ST3GAL3: variants seen among roughly 807,000 people sequenced by gnomAD.
The protein encoded by ST3GAL3 is ST3 beta-galactoside alpha-2,3-sialyltransferase 3, also known as CMP-N-acetylneuraminate-beta-1,4-galactoside alpha-2,3-sialyltransferase.
A neutral mutation model predicts 50.1 loss-of-function variants in ST3GAL3; 21 were observed. The ratio of observed to expected loss-of-function variants is 0.42; its 90% confidence interval spans 0.30 to 0.60. The LOEUF is 0.60. ST3GAL3 is among the 20% of genes least tolerant of loss of function. The pLI is 0.19. For synonymous variants in ST3GAL3, 183 were observed against 190.0 expected (o/e 0.96, Z 0.30); for missense variants, 353 against 489.4 (o/e 0.72, Z 2.63).
intron 9 of ST3GAL3, among the ~76,000 whole-genome samples, chr1:43,905,929 T>C (rs1187021904): frequency 1.3e-5 from 1 of 78,350 alleles, no homozygotes; most frequent in South Asian, 5.9e-4. Flanking sequence ...CCACCACTCT[T>C]CCCCCTCCTC....
chr1:43,806,048 A>T (rs2059848886), intron 3 of ST3GAL3, among the ~76,000 whole-genome samples: 1 of 152,032 alleles, frequency 6.6e-6, no homozygotes, highest in Non-Finnish European at 1.5e-5. Context: ...ATACTTTTCT[A>T]AAAGAGGGCC....
chr1:43,738,962 TTTA>T (rs1679676992), intron 2 of ST3GAL3: 1 of 152,202 alleles, frequency 6.6e-6, no homozygotes, highest in Admixed American at 6.5e-5. Context: ...TAGCAGGGTC[TTTA>T]TACTCGGAAT....
intron 2 of ST3GAL3, among the ~76,000 whole-genome samples, chr1:43,782,215 G>A (rs1337108332): frequency 2.0e-5 from 3 of 152,022 alleles, no homozygotes; most frequent in African/African-American, 4.8e-5. Context: ...GTATTCTGTG[G>A]TAGTATTTTC....
At chr1:43,848,852 C>T (rs1485565266) in intron 5 of ST3GAL3, among the ~76,000 whole-genome samples, 4 of 152,126 alleles carry the variant, frequency 2.6e-5, no homozygotes, top group African/African-American at 4.8e-5. Flanking sequence ...CTTTCTCTCT[C>T]TGCTTCATTT....
intron 2 of ST3GAL3, among the ~76,000 whole-genome samples, chr1:43,759,063 G>GCACACACACA (rs775153049): frequency 2.5e-4 from 33 of 132,432 alleles, no homozygotes; most frequent in African/African-American, 1.0e-3. Flanking sequence ...ACAAAAGCGC[G>GCACACACACA]CGCACACACA....
intron 9 of ST3GAL3, among the ~76,000 whole-genome samples, chr1:43,908,811 T>C (rs1026376458): frequency 6.6e-6 from 1 of 152,114 alleles, no homozygotes; most frequent in Non-Finnish European, 1.5e-5. Flanking sequence ...TTTATATTTT[T>C]AGTAGAGATG....
intron 2 of ST3GAL3, among the ~76,000 whole-genome samples, chr1:43,763,250 T>C (rs1391905900): frequency 6.6e-6 from 1 of 152,200 alleles, no homozygotes; most frequent in Non-Finnish European, 1.5e-5. Context: ...TGAAAAGATT[T>C]CTGAAATATA....
At chr1:43,804,578 T>C (rs966477098) in intron 3 of ST3GAL3, among the ~76,000 whole-genome samples, 2 of 152,012 alleles carry the variant, frequency 1.3e-5, no homozygotes, top group Admixed American at 6.6e-5. Flanking sequence ...CCTTTATACA[T>C]GATGGGAGGG....
At chr1:43,814,819 G>T in intron 3 of ST3GAL3, 72 bp from the exon 4 acceptor site, 1 of 1,450,804 alleles carries the variant, frequency 6.9e-7, no homozygotes. Context: ...TGTGGTCTAG[G>T]TCTGGGGGAT....
At chr1:43,789,453 G>T (rs2057765104) in intron 2 of ST3GAL3, among the ~76,000 whole-genome samples, 1 of 152,112 alleles carries the variant, frequency 6.6e-6, no homozygotes. Context: ...TCATTGAATT[G>T]CACACTTATA....
intron 5 of ST3GAL3, among the ~76,000 whole-genome samples, chr1:43,864,795 A>G (rs1216062405): frequency 1.3e-5 from 2 of 152,092 alleles, no homozygotes; most frequent in Admixed American, 6.6e-5. Context: ...ATGAGTAAAA[A>G]TGGATTCCTA....
chr1:43,798,293 T>C (rs2058924020), intron 3 of ST3GAL3, among the ~76,000 whole-genome samples: 1 of 152,218 alleles, frequency 6.6e-6, no homozygotes, highest in South Asian at 2.1e-4. Context: ...TTCTGTACCT[T>C]GTAGCCAGAG....
intron 2 of ST3GAL3, among the ~76,000 whole-genome samples, chr1:43,788,302 A>G: frequency 6.6e-6 from 1 of 152,238 alleles, no homozygotes; most frequent in South Asian, 2.1e-4. Context: ...CAAAGAAGAT[A>G]AATTGCAATT....
In ST3GAL3 at chr1:43,859,962, G is replaced by C. The variant is rs544104345; in HGVS notation, c.302+21651G>C. Among the ~76,000 whole-genome samples the C allele has an allele frequency of 1.4e-4, 21 of 152,324 alleles. No homozygotes were observed. In the East Asian group the frequency reaches 2.9e-3, roughly 21 times the overall value. On this transcript the variant is annotated intron_variant, in intron 5 of 11. Transcript: ENST00000347631. ...TCTGCCAGCTATATGTTCACCCTTA[G>C]GCCGCTTCTGACCATCTCAAACCCC... is the stretch of plus-strand genomic sequence containing the variant.
chr1:43,825,226 ATTATG>A (rs942925833), intron 4 of ST3GAL3, among the ~76,000 whole-genome samples: 4 of 152,176 alleles, frequency 2.6e-5, no homozygotes, highest in African/African-American at 9.7e-5. Flanking sequence ...TATCATAACA[ATTATG>A]TTAGGGTAGT....
intron 2 of ST3GAL3, among the ~76,000 whole-genome samples, chr1:43,773,333 C>T (rs1696019519): frequency 6.6e-6 from 1 of 152,142 alleles, no homozygotes; most frequent in Non-Finnish European, 1.5e-5. Flanking sequence ...CTTGGCATCT[C>T]AGTGTTGTCT....
intron 3 of ST3GAL3, among the ~76,000 whole-genome samples, chr1:43,802,884 T>C (rs185640862): frequency 1.2e-3 from 181 of 152,272 alleles, no homozygotes; most frequent in African/African-American, 4.0e-3. Context: ...AAATTAAGAG[T>C]TGGAGGCTGA....
At chr1:43,728,866 T>TAC (rs763954486) in intron 1 of ST3GAL3, among the ~76,000 whole-genome samples, 6 of 152,088 alleles carry the variant, frequency 3.9e-5, no homozygotes, top group Admixed American at 1.3e-4. Context: ...TATGTACATA[T>TAC]ACACACACAC....
intron 5 of ST3GAL3, among the ~76,000 whole-genome samples, chr1:43,845,434 A>G (rs1221179878): frequency 6.6e-6 from 1 of 152,072 alleles, no homozygotes; most frequent in African/African-American, 2.4e-5. Flanking sequence ...AAAATTGTGT[A>G]TAATATTCCC....
Sources: allele counts gnomAD v4.1 joint callset (sites outside exome capture counted in the v4.1 genomes callset), GRCh38; gene constraint gnomAD v4.1.1; transcripts MANE v1.5; gene names NCBI Gene and HGNC (gene_info 2026-07-23, HGNC 2026-07-21).